Variants in CSMD1 observed in about 807,000 individuals in gnomAD.
CSMD1 encodes the protein CUB and sushi domain-containing protein 1.
Under a neutral mutation model 417.5 loss-of-function variants are expected in CSMD1, and 213 were observed. The ratio of observed to expected loss-of-function variants is 0.51; its 90% CI spans 0.46 to 0.57. The LOEUF (loss-of-function observed/expected upper bound fraction) is 0.57. Ranked by LOEUF, CSMD1 falls within the 20% of genes least tolerant of loss-of-function variation. The probability of loss-of-function intolerance (pLI) is 0.00; values close to 1 mark genes in which losing one functional copy is unlikely to be tolerated. For synonymous variants in CSMD1, 2,862 were observed against 1,736.8 expected (o/e 1.65, Z -16.11); for missense variants, 6,923 against 4,529.7 (o/e 1.53, Z -15.17).
chr8:4,448,251 C>T (rs1238583394), intron 2 of CSMD1, among the ~76,000 whole-genome samples: 4 of 152,130 alleles, frequency 2.6e-5, no homozygotes, highest in Non-Finnish European at 5.9e-5. Flanking sequence ...ATCAAAAGCC[C>T]ATTTAGCAAA....
chr8:4,414,701 G>C (rs967110007), intron 3 of CSMD1, among the ~76,000 whole-genome samples: 4 of 152,086 alleles, frequency 2.6e-5, no homozygotes, highest in South Asian at 2.1e-4. Context: ...TTCAGGTTTT[G>C]AGGAAATATG....
chr8:4,213,793 C>T (rs776841343), intron 3 of CSMD1, among the ~76,000 whole-genome samples: 2 of 152,068 alleles, frequency 1.3e-5, no homozygotes, highest in Admixed American at 1.3e-4. Flanking sequence ...GGGTGGAACG[C>T]AAACTAACTT....
intron 2 of CSMD1, among the ~76,000 whole-genome samples, chr8:4,589,865 T>C (rs568827423): frequency 5.9e-5 from 9 of 152,330 alleles, no homozygotes; most frequent in Non-Finnish European, 4.4e-5. Flanking sequence ...TTTCAGAATC[T>C]ATCAGGAGCC....
chr8:3,811,536 T>A (rs1786815276), intron 5 of CSMD1, among the ~76,000 whole-genome samples: 1 of 152,114 alleles, frequency 6.6e-6, no homozygotes, highest in African/African-American at 2.4e-5. Context: ...TCCTTGACAA[T>A]GTGTTCTTTT....
At chr8:3,555,562 T>C in intron 10 of CSMD1, among the ~76,000 whole-genome samples, 1 of 152,228 alleles carries the variant, frequency 6.6e-6, no homozygotes, top group Non-Finnish European at 1.5e-5. Flanking sequence ...CTTGCTTCAC[T>C]GAAGCTTTTG....
intron 3 of CSMD1, among the ~76,000 whole-genome samples, chr8:4,268,450 G>C (rs928267952): frequency 2.6e-5 from 4 of 152,240 alleles, no homozygotes; most frequent in Admixed American, 6.5e-5. Flanking sequence ...GCAAGTCTGA[G>C]GTACTGAAAG....
At chr8:4,305,075 C>A (rs995799034) in intron 3 of CSMD1, among the ~76,000 whole-genome samples, 12 of 152,156 alleles carry the variant, frequency 7.9e-5, no homozygotes, top group African/African-American at 1.7e-4. Flanking sequence ...TTTTAGGGCA[C>A]AGAATCACAA....
chr8:4,774,694 G>A (rs551262713), intron 1 of CSMD1, among the ~76,000 whole-genome samples: 47 of 152,182 alleles, frequency 3.1e-4, no homozygotes, highest in Non-Finnish European at 4.9e-4. Context: ...GGCTCATGGG[G>A]GTGGATCCTT....
intron 1 of CSMD1, among the ~76,000 whole-genome samples, chr8:4,810,278 A>C (rs1274620632): frequency 1.8e-4 from 28 of 152,214 alleles, no homozygotes. Flanking sequence ...AATAAAATTC[A>C]AATTGATTTT....
intron 12 of CSMD1, among the ~76,000 whole-genome samples, chr8:3,431,659 C>T (rs2117022247): frequency 6.6e-6 from 1 of 152,234 alleles, no homozygotes; most frequent in African/African-American, 2.4e-5. Context: ...AATGTTCTCC[C>T]TTCATGTTTC....
chr8:4,107,034 C>A (rs1473883681), intron 3 of CSMD1, among the ~76,000 whole-genome samples: 1 of 152,128 alleles, frequency 6.6e-6, no homozygotes, highest in East Asian at 1.9e-4. Context: ...AGAGCTGCCA[C>A]ATATCACGCG....
At chr8:3,577,554 T>C (rs1256739086) in intron 9 of CSMD1, among the ~76,000 whole-genome samples, 1 of 152,234 alleles carries the variant, frequency 6.6e-6, no homozygotes, top group Non-Finnish European at 1.5e-5. Context: ...GTGTCTGATT[T>C]GTTCATTTGT....
intron 3 of CSMD1, among the ~76,000 whole-genome samples, chr8:4,323,149 G>A (rs755199128): frequency 2.0e-5 from 3 of 152,180 alleles, no homozygotes; most frequent in African/African-American, 7.2e-5. Flanking sequence ...TTCCTCATTT[G>A]TACAATGACA....
intron 23 of CSMD1, among the ~76,000 whole-genome samples, chr8:3,326,974 C>G (rs192245574): frequency 1.3e-4 from 20 of 151,532 alleles, no homozygotes; most frequent in African/African-American, 4.6e-4. Context: ...CCCAGGAGCT[C>G]AAGACCTGCC....
chr8:4,020,041 G>A (rs1225725308), intron 4 of CSMD1, among the ~76,000 whole-genome samples: 1 of 152,026 alleles, frequency 6.6e-6, no homozygotes, highest in East Asian at 1.9e-4. Context: ...CTAAAATCGT[G>A]CTTAAGAGTG....
intron 8 of CSMD1, 111 bp from the exon 9 acceptor site, chr8:3,586,371 G>A: frequency 9.6e-7 from 1 of 1,040,944 alleles, no homozygotes; most frequent in Non-Finnish European, 1.3e-6. Flanking sequence ...AGTTAAAACA[G>A]CCTAAGACAT....
intron 57 of CSMD1, among the ~76,000 whole-genome samples, chr8:2,970,771 A>G (rs1563193289): frequency 6.6e-6 from 1 of 152,210 alleles, no homozygotes; most frequent in Non-Finnish European, 1.5e-5. Context: ...CGAATGATAA[A>G]TGCTACAGAT....
Position 3,586,270 on chromosome 8 carries a change from T to G in CSMD1, c.1098-10A>C. 2 of 1,343,516 alleles carry G rather than the reference T, an allele frequency of 1.5e-6. No homozygotes were observed. Among genetic ancestry groups the G allele is most frequent in the East Asian group, 2.6e-5 (1 of 38,702 alleles). The allele number at this position is 1,343,516 out of a possible 1,614,324, so 83.2% of individuals were successfully genotyped here. A position where few individuals can be genotyped will look rare whatever the true frequency, so the allele number is the denominator to read the frequency against. On this transcript the variant is annotated splice_polypyrimidine_tract_variant and intron_variant, in intron 8 of 69. Transcript: ENST00000635120. The stretch of plus-strand genomic sequence containing the variant: ...TACATTTGCACCAACCCTAAGCCGT[T>G]AAAAAAGAAAAAAAAAAACCCAAAT...
chr8:3,228,832 G>A (rs1298425447), intron 27 of CSMD1, among the ~76,000 whole-genome samples: 1 of 151,212 alleles, frequency 6.6e-6, no homozygotes, highest in Non-Finnish European at 1.5e-5. Flanking sequence ...GGTTTAAAAT[G>A]ATCGCCACAT....
Sources: gnomAD v4.1 joint callset for allele counts (sites outside exome capture counted in the v4.1 genomes callset) on GRCh38, gnomAD v4.1.1 for gene constraint, MANE v1.5 for transcripts, NCBI Gene and HGNC (gene_info 2026-07-23, HGNC 2026-07-21) for gene names.